The following SPAG16 variants were observed in gnomAD, a reference collection of about 807,000 sequenced individuals.
SPAG16 encodes the protein sperm-associated antigen 16 protein.
SPAG16 carries 86 observed loss-of-function variants against 80.4 expected under a neutral mutation model. The observed-to-expected ratio is 1.07, with a 90% CI of 0.90 to 1.28. The LOEUF (loss-of-function observed/expected upper bound fraction) is 1.28, where lower values mean the gene tolerates loss of function less well. SPAG16 is among the 50% of genes most tolerant of loss of function. The pLI is 0.00. For synonymous variants in SPAG16, 294 were observed against 265.9 expected, an observed-to-expected ratio of 1.11 and a Z score of -1.03; for missense variants, 870 against 765.3, an observed-to-expected ratio of 1.14 and a Z score of -1.61.
intron 10 of SPAG16, among the ~76,000 whole-genome samples, chr2:213,786,881 A>T (rs1240057534): frequency 6.6e-6 from 1 of 152,178 alleles, no homozygotes; most frequent in Non-Finnish European, 1.5e-5. Context: ...AGGAATTTGC[A>T]ATTAGTAATA....
chr2:214,104,690 C>T (rs1260837048), intron 13 of SPAG16, among the ~76,000 whole-genome samples: 3 of 152,088 alleles, frequency 2.0e-5, no homozygotes, highest in African/African-American at 4.8e-5. Context: ...TCAAAATAGA[C>T]AGTTGGGAAG....
chr2:214,230,459 G>A (rs367673065), intron 15 of SPAG16, among the ~76,000 whole-genome samples: 47 of 151,966 alleles, frequency 3.1e-4, no homozygotes, highest in Middle Eastern at 3.4e-3. Context: ...TAAATATCCC[G>A]TCAGTGATAT....
At chr2:213,698,343 C>T (rs2125316138) in intron 10 of SPAG16, among the ~76,000 whole-genome samples, 1 of 152,208 alleles carries the variant, frequency 6.6e-6, no homozygotes, top group Non-Finnish European at 1.5e-5. Context: ...TTCACTGCAA[C>T]CCTAACCTCC....
At chr2:214,008,169 G>C (rs372360659) in intron 12 of SPAG16, among the ~76,000 whole-genome samples, 1 of 151,878 alleles carries the variant, frequency 6.6e-6, no homozygotes, top group East Asian at 1.9e-4. Context: ...TGCTCACCCA[G>C]CTAACATTTT....
rs1576145156 is a variant in SPAG16 at position 214,090,113 on chromosome 2, C to T, written c.1528-18083C>T. Among the ~76,000 whole-genome samples, 6 of 151,268 alleles carry T rather than the reference C, an allele frequency of 4.0e-5. No individual in the cohort carries two copies. In the South Asian group the frequency reaches 1.2e-3, roughly 31 times the overall value. The stretch of plus-strand genomic sequence containing the variant: ...AAATAATAAAATACTCATCTATATA[C>T]AAATCAATAAAAGCTTTTGCAAAAG... On this transcript the variant is annotated intron_variant, in intron 13 of 15. Coordinates refer to ENST00000331683, the MANE Select transcript of SPAG16 (RefSeq NM_024532.5).
intron 13 of SPAG16, among the ~76,000 whole-genome samples, chr2:214,061,063 A>G (rs1008266904): frequency 1.3e-5 from 2 of 152,196 alleles, no homozygotes; most frequent in African/African-American, 4.8e-5. Context: ...GAGAAGTTGA[A>G]AAGTGACTCA....
intron 10 of SPAG16, among the ~76,000 whole-genome samples, chr2:213,612,570 T>G (rs2061470776): frequency 6.6e-6 from 1 of 152,350 alleles, no homozygotes; most frequent in South Asian, 2.1e-4. Flanking sequence ...CCCAGTTAAC[T>G]TGGTTCAAAA....
intron 15 of SPAG16, among the ~76,000 whole-genome samples, chr2:214,277,630 C>T (rs1692570423): frequency 1.3e-5 from 2 of 152,208 alleles, no homozygotes; most frequent in Admixed American, 6.5e-5. Flanking sequence ...TGAAGAATAG[C>T]AAATATTGCA....
At chr2:213,337,221 G>T (rs2064410462) in intron 5 of SPAG16, among the ~76,000 whole-genome samples, 1 of 152,190 alleles carries the variant, frequency 6.6e-6, no homozygotes, top group Admixed American at 6.5e-5. Context: ...CCAAAGGTCA[G>T]CAACCTCAAA....
At chr2:214,108,852 A>G (rs1439122520) in intron 14 of SPAG16, among the ~76,000 whole-genome samples, 1 of 152,170 alleles carries the variant, frequency 6.6e-6, no homozygotes, top group Non-Finnish European at 1.5e-5. Flanking sequence ...AGGTGTAAGG[A>G]TGATTTCACA....
chr2:214,180,324 G>A (rs1182856808), intron 15 of SPAG16, among the ~76,000 whole-genome samples: 1 of 148,642 alleles, frequency 6.7e-6, no homozygotes, highest in African/African-American at 2.4e-5. Flanking sequence ...GAAATTTTTT[G>A]TTCTAGCCCT....
At chr2:214,369,546 T>A (rs1417473335) in intron 15 of SPAG16, among the ~76,000 whole-genome samples, 2 of 152,110 alleles carry the variant, frequency 1.3e-5, no homozygotes, top group East Asian at 3.8e-4. Flanking sequence ...TGTATCTCAA[T>A]ATTCTTCCTC....
At chr2:213,452,656 A>G (rs1384567893) in intron 9 of SPAG16, among the ~76,000 whole-genome samples, 1 of 152,242 alleles carries the variant, frequency 6.6e-6, no homozygotes, top group African/African-American at 2.4e-5. Flanking sequence ...GATGAGGACA[A>G]TAATTATTAA....
chr2:213,983,372 A>G (rs923271247), intron 12 of SPAG16, among the ~76,000 whole-genome samples: 2 of 151,962 alleles, frequency 1.3e-5, no homozygotes, highest in African/African-American at 4.8e-5. Context: ...TAATAGTATT[A>G]TAGTCTCAGA....
At chr2:213,705,678 T>C (rs1256332369) in intron 10 of SPAG16, among the ~76,000 whole-genome samples, 1 of 152,228 alleles carries the variant, frequency 6.6e-6, no homozygotes, top group Non-Finnish European at 1.5e-5. Flanking sequence ...TTTTCCAATT[T>C]ACTTCTAAAC....
chr2:213,588,664 C>T (rs1175842927), intron 10 of SPAG16, among the ~76,000 whole-genome samples: 17 of 150,436 alleles, frequency 1.1e-4, no homozygotes, highest in African/African-American at 3.4e-4. Context: ...CAGCCGGGCG[C>T]GGTGGCGGGC....
chr2:213,907,528 A>G (rs971817668), intron 11 of SPAG16, among the ~76,000 whole-genome samples: 19 of 152,128 alleles, frequency 1.2e-4, no homozygotes, highest in African/African-American at 4.1e-4. Context: ...CAATCCCACT[A>G]CTGGTTATTT....
chr2:213,699,099 C>T (rs76210123), intron 10 of SPAG16, among the ~76,000 whole-genome samples: 5,454 of 152,172 alleles, frequency 0.036, 334 homozygotes, highest in African/African-American at 0.12. Flanking sequence ...TCTCCTACAA[C>T]GTTTGATGTT....
chr2:214,062,756 G>A (rs1324847301), intron 13 of SPAG16, among the ~76,000 whole-genome samples: 1 of 144,652 alleles, frequency 6.9e-6, no homozygotes, highest in Non-Finnish European at 1.5e-5. Context: ...ATGTGACTCT[G>A]ATCAGTCACT....
Sources: allele counts gnomAD v4.1 joint callset (sites outside exome capture counted in the v4.1 genomes callset), GRCh38; gene constraint gnomAD v4.1.1; transcripts MANE v1.5; gene names NCBI Gene and HGNC (gene_info 2026-07-23, HGNC 2026-07-21).